Variants in RC3H1 observed in about 807,000 individuals in gnomAD.
RC3H1 encodes roquin-1.
RC3H1 carries 50 observed loss-of-function variants against 138.2 expected under a neutral mutation model. The ratio of observed to expected loss-of-function variants is 0.36; its 90% confidence interval spans 0.29 to 0.46. RC3H1 has a LOEUF of 0.46. Among genes scored for constraint, RC3H1 ranks in the 20% least tolerant of loss-of-function variants. RC3H1 has a pLI of 1.00. For synonymous variants in RC3H1, 462 were observed against 489.1 expected, an observed-to-expected ratio of 0.94 and a Z score of 0.73; for missense variants, 1,031 against 1,388.1, an observed-to-expected ratio of 0.74 and a Z score of 4.09.
chr1:173,963,614 T>A (rs540224093), intron 11 of RC3H1, among the ~76,000 whole-genome samples: 1 of 152,322 alleles, frequency 6.6e-6, no homozygotes, highest in African/African-American at 2.4e-5. Context: ...ACACACACTA[T>A]AATATTAATT....
At chr1:173,949,744 G>A (rs954845253) in intron 14 of RC3H1, among the ~76,000 whole-genome samples, 1 of 152,152 alleles carries the variant, frequency 6.6e-6, no homozygotes, top group African/African-American at 2.4e-5. Context: ...GTTTGTTGGA[G>A]TACCATACCT....
chr1:173,943,407 T>C, intron 18 of RC3H1, 35 bp downstream of exon 18: 1 of 1,572,530 alleles, frequency 6.4e-7, no homozygotes, highest in Non-Finnish European at 8.7e-7. Flanking sequence ...AGATTTCATT[T>C]CACCTTCCCT....
chr1:173,993,001 A>G lies in RC3H1; in HGVS notation c.-16T>C, dbSNP rs749505829. 1 of 1,561,256 alleles carries G rather than the reference A, an allele frequency of 6.4e-7. No homozygotes were observed. Among genetic ancestry groups the G allele is most frequent in the Non-Finnish European group, 8.8e-7 (1 of 1,132,392 alleles). On this transcript the variant is annotated 5_prime_UTR_variant, in exon 2 of 20. Transcript: ENST00000367696. The stretch of plus-strand genomic sequence containing the variant: ...GTACAGGCATTGCTTCTGGAGTTAC[A>G]ATTCACGAACACAAACACACACACA...
intron 12 of RC3H1, 101 bp from the exon 13 acceptor site, chr1:173,961,345 T>C (rs1659866449): frequency 9.6e-7 from 1 of 1,036,484 alleles, no homozygotes; most frequent in Admixed American, 2.7e-5. Flanking sequence ...ACAGCTTGTA[T>C]ACCCTTCTTA....
intron 14 of RC3H1, among the ~76,000 whole-genome samples, chr1:173,951,054 G>C (rs1473581467): frequency 6.6e-6 from 1 of 152,142 alleles, no homozygotes; most frequent in African/African-American, 2.4e-5. Context: ...GCCAGGCACG[G>C]TGGCTCACGC....
chr1:174,004,039 TTA>T (rs948352565), intron 1 of RC3H1, among the ~76,000 whole-genome samples: 1 of 147,914 alleles, frequency 6.8e-6, no homozygotes, highest in Non-Finnish European at 1.5e-5. Context: ...TAAAATTATT[TTA>T]TATATATGAT....
At chr1:173,974,068 G>C (rs528439068) in intron 7 of RC3H1, among the ~76,000 whole-genome samples, 162 of 152,092 alleles carry the variant, frequency 1.1e-3, no homozygotes, top group Middle Eastern at 3.4e-3. Flanking sequence ...CACCCATCTT[G>C]GCCTTCCAAA....
In RC3H1 at chr1:173,983,491, G is replaced by A. The variant is rs756928244; in HGVS notation, c.519C>T (p.His173=). ...TGGAAGAGAGTTGCTGAGGATTCTG[G>A]TGCTGGAGAATGAGCTCTGTAACTG... ...ERTVTELILQ[H]QNPQQLSSNL... is the part of the protein sequence containing the mutation. Residue 173 remains histidine (H), a synonymous_variant, in exon 4 of 20, where the codon CAC becomes CAT. Coordinates refer to ENST00000367696, the MANE Select transcript of RC3H1 (RefSeq NM_172071.4). The A allele has an allele frequency of 1.9e-6, 3 of 1,614,190 alleles. No individual in the cohort carries two copies. Among genetic ancestry groups the A allele is most frequent in the Non-Finnish European group, 2.5e-6 (3 of 1,180,040 alleles).
chr1:173,954,557 T>C (rs1206538441), intron 13 of RC3H1, among the ~76,000 whole-genome samples: 1 of 152,210 alleles, frequency 6.6e-6, no homozygotes, highest in East Asian at 1.9e-4. Flanking sequence ...TTCTAAAAAC[T>C]AGAAGAGAGG....
intron 1 of RC3H1, among the ~76,000 whole-genome samples, chr1:174,012,118 G>A (rs979981862): frequency 3.0e-5 from 4 of 134,010 alleles, no homozygotes; most frequent in African/African-American, 1.6e-4. Context: ...GGGATGAGGT[G>A]GCAGGGGTGG....
At chr1:173,997,538 TTTTG>T (rs779753130) in intron 1 of RC3H1, among the ~76,000 whole-genome samples, 17 of 152,300 alleles carry the variant, frequency 1.1e-4, no homozygotes, top group East Asian at 9.6e-4. Context: ...CCTTTATTAA[TTTTG>T]TTTATCACCT....
intron 1 of RC3H1, among the ~76,000 whole-genome samples, chr1:174,020,223 T>C (rs958907897): frequency 2.0e-5 from 3 of 151,898 alleles, no homozygotes; most frequent in African/African-American, 4.8e-5. Flanking sequence ...TCAGGAGCCA[T>C]AGAAAGTTGT....
chr1:174,009,807 T>C (rs1346997348), intron 1 of RC3H1, among the ~76,000 whole-genome samples: 1 of 152,194 alleles, frequency 6.6e-6, no homozygotes, highest in Admixed American at 6.5e-5. Context: ...CACTGCACTA[T>C]AGCCTGGGCC....
At chr1:174,014,057 A>G (rs564859255) in intron 1 of RC3H1, among the ~76,000 whole-genome samples, 1 of 152,348 alleles carries the variant, frequency 6.6e-6, no homozygotes, top group Non-Finnish European at 1.5e-5. Context: ...AGAGGTTCAG[A>G]GGGATGAGGC....
At chr1:173,965,998 C>T (rs1297314152) in intron 9 of RC3H1, among the ~76,000 whole-genome samples, 4 of 151,790 alleles carry the variant, frequency 2.6e-5, no homozygotes, top group African/African-American at 4.8e-5. Flanking sequence ...AAAACTTAAC[C>T]GGGTGTGGTG....
Position 173,984,633 on chromosome 1 carries a change from G to A in RC3H1, c.232-14C>T, listed in dbSNP as rs560870129. The A allele has an allele frequency of 1.2e-6, 2 of 1,610,200 alleles. No homozygotes were observed. Among genetic ancestry groups the A allele is most frequent in the Non-Finnish European group, 1.7e-6 (2 of 1,178,974 alleles). On this transcript the variant is annotated splice_polypyrimidine_tract_variant and intron_variant, in intron 2 of 19. Coordinates refer to ENST00000367696, the MANE Select transcript of RC3H1 (RefSeq NM_172071.4). ...CTGCTCAGGGACCTGGAGGCCAAAA[G>A]AAAAGATCTGTATGAGTGCTCAATT...
intron 2 of RC3H1, among the ~76,000 whole-genome samples, chr1:173,985,189 C>T (rs1660974861): frequency 6.6e-6 from 1 of 152,186 alleles, no homozygotes; most frequent in Non-Finnish European, 1.5e-5. Flanking sequence ...ATATATCACA[C>T]TTTATTTACA....
chr1:174,017,527 A>G (rs1661881536), intron 1 of RC3H1, among the ~76,000 whole-genome samples: 1 of 152,182 alleles, frequency 6.6e-6, no homozygotes, highest in African/African-American at 2.4e-5. Flanking sequence ...AATTAGAGAC[A>G]GAAAGCAGAA....
At chr1:173,992,346 C>G (rs931566737) in intron 2 of RC3H1, among the ~76,000 whole-genome samples, 2 of 152,006 alleles carry the variant, frequency 1.3e-5, no homozygotes, top group African/African-American at 4.8e-5. Flanking sequence ...AGGATTTCAC[C>G]ATGTTGGCCA....
Sources: allele counts gnomAD v4.1 joint callset (sites outside exome capture counted in the v4.1 genomes callset), GRCh38; gene constraint gnomAD v4.1.1; transcripts MANE v1.5; gene names NCBI Gene and HGNC (gene_info 2026-07-23, HGNC 2026-07-21).